The following AGO4 variants were observed in gnomAD, a reference collection of about 807,000 sequenced individuals.
AGO4 encodes protein argonaute-4.
In AGO4, 33 loss-of-function variants were observed where a neutral mutation model predicts 104.7. The ratio of observed to expected loss-of-function variants is 0.32; its 90% CI spans 0.24 to 0.42. The LOEUF (loss-of-function observed/expected upper bound fraction) is 0.42, where lower values mean the gene tolerates loss of function less well. AGO4 is among the 10% of genes least tolerant of loss of function. The pLI, the probability that AGO4 is intolerant of heterozygous loss-of-function variation, is 1.00. For synonymous variants in AGO4, 331 were observed against 364.7 expected (o/e 0.91, Z 1.05); for missense variants, 711 against 1,083.4 (o/e 0.66, Z 4.83).
In AGO4 at chr1:35,825,811, T is replaced by A. The variant is rs757152966; in HGVS notation, c.621T>A (p.Ile207=). The A allele has an allele frequency of 6.3e-7, 1 of 1,585,686 alleles. No individual in the cohort carries two copies. Among genetic ancestry groups the A allele is most frequent in the Non-Finnish European group, 8.6e-7 (1 of 1,167,980 alleles). The change falls in exon 5 of 18, where the codon ATT becomes ATA. Residue 207 remains isoleucine (I), a synonymous_variant. Transcript: ENST00000373210. ...RPAMWNMMLN[I]DVSATAFYRA... Reference sequence around the variant, plus strand: ...CCATGTGGAATATGATGCTCAACATTGATGGTAGGATGGAACTCTCTTTAT... The same window carrying A: ...CCATGTGGAATATGATGCTCAACATAGATGGTAGGATGGAACTCTCTTTAT...
chr1:35,838,387 G>A (rs1644363903), intron 13 of AGO4, among the ~76,000 whole-genome samples: 1 of 151,852 alleles, frequency 6.6e-6, no homozygotes, highest in Non-Finnish European at 1.5e-5. Flanking sequence ...AGGTCTTGCT[G>A]TGTTGTCCAG....
At chr1:35,810,300 G>A (rs1159666383) in intron 1 of AGO4, among the ~76,000 whole-genome samples, 4 of 152,264 alleles carry the variant, frequency 2.6e-5, no homozygotes, top group South Asian at 2.1e-4. Flanking sequence ...GGAGTTGATC[G>A]TCTTGTGGGA....
At chr1:35,838,425 G>A (rs1322226808) in intron 13 of AGO4, among the ~76,000 whole-genome samples, 1 of 151,952 alleles carries the variant, frequency 6.6e-6, no homozygotes. Flanking sequence ...GGGCTTAAGT[G>A]ATCCTTCCAC....
rs747437974 is a variant in AGO4, at chr1:35,841,227, G to T, written c.1787G>T (p.Gly596Val). 6.2e-7 allele frequency: 1 copy of T among 1,614,028 alleles called. No individual in the cohort carries two copies. Among genetic ancestry groups the T allele is most frequent in the Non-Finnish European group, 8.5e-7 (1 of 1,179,934 alleles). ...LGADVTHPPAGDGKKPSIAAV... is the reference protein window; with the variant it reads ...LGADVTHPPAVDGKKPSIAAV... ...GCGGATGTCACACACCCCCCAGCAGGGGATGGGAAGAAACCTTCCATTGCT... is the reference window on the plus strand; with the variant it reads ...GCGGATGTCACACACCCCCCAGCAGTGGATGGGAAGAAACCTTCCATTGCT... Residue 596 changes from glycine to valine, a missense_variant, in exon 14 of 18, where the codon GGG becomes GTG. This residue lies in a region of AGO4 where 401 missense variants were observed against 665.5 expected (regional missense o/e 0.60). Transcript: ENST00000373210. The surrounding 1 kb of genome is among the most constrained non-coding windows in gnomAD (Gnocchi z 4.7).
In AGO4 at chr1:35,841,573, A is replaced by G. The variant is rs1246850187; in HGVS notation, c.2041-43A>G. The G allele has an allele frequency of 5.6e-6, 9 of 1,613,498 alleles. No individual in the cohort carries two copies. The highest frequency in any genetic ancestry group is 3.3e-4 in the Middle Eastern group (2 of 6,056). ...ATTCTGGGTAGATCTGAGAGATACT[A>G]GGCAAATTCTCAATTAAACATAATT... On this transcript the variant is annotated intron_variant, in intron 14 of 17. Transcript: ENST00000373210. This position sits in a 1 kb window ranked among gnomAD's most constrained non-coding sequence, Gnocchi z 4.7.
intron 13 of AGO4, among the ~76,000 whole-genome samples, chr1:35,836,763 A>G (rs1052597255): frequency 2.0e-5 from 3 of 151,992 alleles, no homozygotes; most frequent in Admixed American, 1.3e-4. Context: ...GAACTGAAAC[A>G]CTCTTTCTGT....
In AGO4 at chr1:35,825,445, G is replaced by A. The variant is rs1643994457; in HGVS notation, c.439G>A (p.Asp147Asn). Residue 147 changes from aspartate to asparagine, a missense_variant, in exon 4 of 18, where the codon GAC becomes AAC. Transcript: ENST00000373210. ...LAGHLNEVPD[D>N]SVQALDVITR... is the part of the protein sequence containing the mutation. The stretch of plus-strand genomic sequence containing the variant: ...TGGGCACTTGAATGAAGTCCCAGAT[G>A]ACTCAGTACAAGCACTTGATGTTAT... 6.2e-7 allele frequency: 1 copy of A among 1,614,198 alleles called. No individual in the cohort carries two copies. The highest frequency in any genetic ancestry group is 8.5e-7 in the Non-Finnish European group (1 of 1,180,030).
intron 7 of AGO4, 104 bp downstream of exon 7, chr1:35,826,939 C>G: frequency 8.6e-7 from 1 of 1,163,712 alleles, no homozygotes; most frequent in Non-Finnish European, 1.2e-6. Context: ...CAGTGGCTCA[C>G]ACCTGTAATC....
chr1:35,818,833 C>T (rs978691505), intron 2 of AGO4, among the ~76,000 whole-genome samples: 4 of 152,126 alleles, frequency 2.6e-5, no homozygotes, highest in African/African-American at 9.7e-5. Flanking sequence ...AACACTTTGT[C>T]ATTTATTCTG....
At chr1:35,814,212 GATT>G (rs1000928903) in intron 1 of AGO4, among the ~76,000 whole-genome samples, 1 of 152,114 alleles carries the variant, frequency 6.6e-6, no homozygotes, top group African/African-American at 2.4e-5. Context: ...TTCTATCTGG[GATT>G]ATTGATACTG....
chr1:35,820,701 A>G (rs531617913), intron 2 of AGO4, among the ~76,000 whole-genome samples: 3 of 152,048 alleles, frequency 2.0e-5, no homozygotes, highest in African/African-American at 7.2e-5. Context: ...AAATTAGAGC[A>G]TATTTGTATG....
chr1:35,850,750 C>T, intron 16 of AGO4, 104 bp from the exon 17 acceptor site: 1 of 902,458 alleles, frequency 1.1e-6, no homozygotes. Flanking sequence ...CACTGCACTC[C>T]AGCCTAGGTG....
chr1:35,821,512 A>G (rs958851692), intron 2 of AGO4, among the ~76,000 whole-genome samples: 2 of 152,182 alleles, frequency 1.3e-5, no homozygotes, highest in African/African-American at 2.4e-5. Flanking sequence ...CTTAAACTCT[A>G]TACACCAGTT....
intron 13 of AGO4, among the ~76,000 whole-genome samples, chr1:35,840,183 G>T (rs61776954): frequency 1.4e-5 from 2 of 143,126 alleles, no homozygotes; most frequent in Admixed American, 1.4e-4. Context: ...TGTTTGAGAC[G>T]GTCTTGCTCT....
chr1:35,822,994 G>A lies in AGO4; in HGVS notation c.306+12G>A. 1 of 1,611,500 alleles carries A rather than the reference G, an allele frequency of 6.2e-7. No individual in the cohort carries two copies. Among genetic ancestry groups the A allele is most frequent in the Non-Finnish European group, 8.5e-7 (1 of 1,178,242 alleles). On this transcript the variant is annotated intron_variant, in intron 3 of 17. Transcript: ENST00000373210. Reference sequence around the variant, plus strand: ...TTGGACGGGATAGGGTAAGTGTTAAGAGCAAGAAATACTTAGTTCATTTAG... The same window carrying A: ...TTGGACGGGATAGGGTAAGTGTTAAAAGCAAGAAATACTTAGTTCATTTAG...
chr1:35,845,938 G>A (rs770723548), intron 15 of AGO4, among the ~76,000 whole-genome samples: 6 of 152,182 alleles, frequency 3.9e-5, no homozygotes, highest in African/African-American at 1.2e-4. Flanking sequence ...CAGTCATCCT[G>A]GCAGAGAGGA....
intron 15 of AGO4, among the ~76,000 whole-genome samples, chr1:35,845,025 A>G (rs1288500722): frequency 2.6e-5 from 4 of 151,762 alleles, no homozygotes; most frequent in Non-Finnish European, 5.9e-5. Flanking sequence ...TCCCACACTG[A>G]CTTCTTTGTA....
rs752843971 is a variant in AGO4, at chr1:35,841,779, T to C, written c.2175+29T>C. ...AGAAGATATAATATAAGCTTTGTTA[T>C]CTGAGGCTCTGGCAAGAGATGTATA... is the stretch of plus-strand genomic sequence containing the variant. On this transcript the variant is annotated intron_variant, in intron 15 of 17. Transcript: ENST00000373210. The surrounding 1 kb of genome is among the most constrained non-coding windows in gnomAD (Gnocchi z 4.7). The C allele has an allele frequency of 6.5e-5, 104 of 1,601,938 alleles. 1 individual carries two copies. The Middle Eastern group carries it at 3.3e-3, about 51-fold the overall frequency.
chr1:35,815,628 T>C (rs999901879), intron 1 of AGO4, among the ~76,000 whole-genome samples: 8 of 152,208 alleles, frequency 5.3e-5, no homozygotes, highest in African/African-American at 1.2e-4. Context: ...AATCTTTTCT[T>C]TTTTGAAATA....
Sources: allele counts gnomAD v4.1 joint callset (sites outside exome capture counted in the v4.1 genomes callset), GRCh38; gene constraint gnomAD v4.1.1; regional missense constraint gnomAD v4.1.1; non-coding constraint Gnocchi (gnomAD v3.1); transcripts MANE v1.5; gene names NCBI Gene and HGNC (gene_info 2026-07-23, HGNC 2026-07-21).